NCKAP5: variants seen among roughly 807,000 people sequenced by gnomAD.
The protein encoded by NCKAP5 is NCK associated protein 5.
NCKAP5 carries 92 observed loss-of-function variants against 167.0 expected under a neutral mutation model. The observed-to-expected ratio is 0.55, with a 90% CI of 0.47 to 0.66. The LOEUF (loss-of-function observed/expected upper bound fraction) is 0.66. NCKAP5 is among the 30% of genes least tolerant of loss of function. The pLI, the probability that NCKAP5 is intolerant of heterozygous loss-of-function variation, is 0.00. For synonymous variants in NCKAP5, 891 were observed against 877.4 expected (o/e 1.02, Z -0.27); for missense variants, 2,378 against 2,315.0 (o/e 1.03, Z -0.56).
chr2:133,313,866 A>G (rs986778898), intron 3 of NCKAP5, among the ~76,000 whole-genome samples: 18 of 152,216 alleles, frequency 1.2e-4, no homozygotes, highest in Non-Finnish European at 4.4e-5. Context: ...GAAAAGTCTT[A>G]GGACCCCAGC....
rs6732325 is a variant in NCKAP5, at chr2:133,520,148, G to A, written c.-61-2561C>T. 1.6e-3 allele frequency among the ~76,000 whole-genome samples: 248 copies of A among 152,278 alleles called. 1 individual carries two copies. Among genetic ancestry groups the A allele is most frequent in the African/African-American group, 5.6e-3 (232 of 41,552 alleles). On this transcript the variant is annotated intron_variant, in intron 2 of 19. Transcript: ENST00000409261. ...GGAGGTTGCGGTGAGCCAAGATCGC[G>A]CCACTGCACTCCAGCCTGGCTGGCT...
intron 6 of NCKAP5, among the ~76,000 whole-genome samples, chr2:133,125,499 G>A (rs1312138870): frequency 6.6e-6 from 1 of 152,052 alleles, no homozygotes; most frequent in Non-Finnish European, 1.5e-5. Flanking sequence ...GGAAGAATTT[G>A]GAATTTTAGA....
At position 133,390,712 on chromosome 2, in the gene NCKAP5, C is replaced by T. The variant is rs142698954; in HGVS notation, c.70-87602G>A. On this transcript the variant is annotated intron_variant, in intron 3 of 19. Coordinates refer to ENST00000409261, the MANE Select transcript of NCKAP5 (RefSeq NM_207363.3). ...AATCACTTTGGGAATTAAAAATAGA[C>T]GCCTATGTAGAAGTGTGTGTGTGCC... Among the ~76,000 whole-genome samples the T allele has an allele frequency of 6.0e-3, 913 of 152,174 alleles. 7 individuals are homozygous for T. Among genetic ancestry groups the T allele is most frequent in the Middle Eastern group, 0.02 (6 of 294 alleles).
chr2:133,201,253 C>T (rs548737220), intron 5 of NCKAP5, among the ~76,000 whole-genome samples: 3 of 152,224 alleles, frequency 2.0e-5, no homozygotes, highest in East Asian at 1.9e-4. Flanking sequence ...GATTTCATCA[C>T]GTTACTCAGC....
In NCKAP5 at chr2:133,486,649, A is replaced by G. The variant is rs980086632; in HGVS notation, c.69+30809T>C. Among the ~76,000 whole-genome samples, 3 of 152,190 alleles carry G rather than the reference A, an allele frequency of 2.0e-5. No homozygotes were observed. In the East Asian group the frequency reaches 5.8e-4, roughly 29 times the overall value. ...CAGTCAGCTGAATTTACCTCATTAG[A>G]TTATCAGAAATTTTGACTCTGTGAC... is the stretch of plus-strand genomic sequence containing the variant. On this transcript the variant is annotated intron_variant, in intron 3 of 19. Coordinates refer to ENST00000409261, the MANE Select transcript of NCKAP5 (RefSeq NM_207363.3).
At chr2:133,155,245 AGG>A (rs757939742) in intron 5 of NCKAP5, among the ~76,000 whole-genome samples, 9 of 152,148 alleles carry the variant, frequency 5.9e-5, no homozygotes, top group Non-Finnish European at 1.0e-4. Flanking sequence ...AGGACCAGGG[AGG>A]GAGGAGTTTT....
At chr2:133,608,259 C>G in the NCKAP5 span, among the ~76,000 whole-genome samples, 1 of 152,170 alleles carries the variant, frequency 6.6e-6, no homozygotes, top group South Asian at 2.1e-4. Context: ...TTGCTCTTCT[C>G]TCTAGAGATA....
chr2:133,202,643 C>A (rs2150127299), intron 5 of NCKAP5, among the ~76,000 whole-genome samples: 1 of 152,150 alleles, frequency 6.6e-6, no homozygotes. Context: ...ACCCATCTGA[C>A]AAAGGGCTAA....
the NCKAP5 span, among the ~76,000 whole-genome samples, chr2:133,654,541 T>C: frequency 6.6e-6 from 1 of 152,162 alleles, no homozygotes; most frequent in Admixed American, 6.5e-5. Flanking sequence ...CATCCATCCT[T>C]TGGCTCTCTC....
chr2:132,994,553 C>T (rs369150285), intron 6 of NCKAP5, among the ~76,000 whole-genome samples: 3 of 152,190 alleles, frequency 2.0e-5, no homozygotes, highest in South Asian at 2.1e-4. Flanking sequence ...AGTATCACTA[C>T]ATCAATCTTC....
At position 132,785,050 on chromosome 2, in the gene NCKAP5, C is replaced by A. The variant is rs61997219; in HGVS notation, c.1761G>T (p.Thr587=). The A allele has an allele frequency of 6.2e-7, 1 of 1,614,052 alleles. No homozygotes were observed. The highest frequency in any genetic ancestry group is 8.5e-7 in the Non-Finnish European group (1 of 1,179,896). Residue 587 remains threonine (T), a synonymous_variant, in exon 14 of 20, where the codon ACG becomes ACT. Transcript: ENST00000409261. ...TGCTCTCTATGTGCAGCTCATCAAA[C>A]GTTTCATTGTCATCAGTGTCTGAAA... ...LQLSDTDDNE[T]FDELHIESSD...
At chr2:132,749,681 A>C (rs1366747504) in intron 16 of NCKAP5, among the ~76,000 whole-genome samples, 1 of 151,970 alleles carries the variant, frequency 6.6e-6, no homozygotes, top group African/African-American at 2.4e-5. Flanking sequence ...TTTGAAAGCA[A>C]GAGTGTTATA....
intron 4 of NCKAP5, among the ~76,000 whole-genome samples, chr2:133,218,274 G>T (rs2086515130): frequency 1.3e-5 from 2 of 151,922 alleles, no homozygotes; most frequent in Non-Finnish European, 2.9e-5. Context: ...GCAAATAAAG[G>T]GAAAAAATAA....
chr2:132,867,792 G>A lies in NCKAP5; in HGVS notation c.687+1144C>T, dbSNP rs577223505. 3.3e-5 allele frequency among the ~76,000 whole-genome samples: 5 copies of A among 152,298 alleles called. No individual in the cohort carries two copies. The South Asian group carries it at 1.0e-3, about 32-fold the overall frequency. ...GGCCTACCTGTCGGTTTATATGTGA[G>A]AAAGAACTAACATTTTAGCTTATTT... On this transcript the variant is annotated intron_variant, in intron 10 of 19. Coordinates refer to ENST00000409261, the MANE Select transcript of NCKAP5 (RefSeq NM_207363.3).
chr2:132,954,734 T>C (rs1332112512), intron 8 of NCKAP5: 1 of 449,478 alleles, frequency 2.2e-6, no homozygotes, highest in Admixed American at 2.4e-5. Context: ...ATATATATGC[T>C]GAAATGCCAA....
chr2:133,299,232 T>A (rs905194725), intron 4 of NCKAP5, among the ~76,000 whole-genome samples: 9 of 152,184 alleles, frequency 5.9e-5, no homozygotes, highest in Non-Finnish European at 1.3e-4. Flanking sequence ...TTAAAACATA[T>A]AGCACTTTAC....
chr2:133,017,192 CTA>C (rs2149380143), intron 6 of NCKAP5, among the ~76,000 whole-genome samples: 1 of 152,258 alleles, frequency 6.6e-6, no homozygotes, highest in Non-Finnish European at 1.5e-5. Flanking sequence ...ATGTCAAAAC[CTA>C]TTTATGTTAT....
At chr2:133,646,599 C>A in the NCKAP5 span, among the ~76,000 whole-genome samples, 1 of 152,022 alleles carries the variant, frequency 6.6e-6, no homozygotes, top group Non-Finnish European at 1.5e-5. Flanking sequence ...CTAAAGCGAG[C>A]TTTTCAGGTT....
At chr2:132,837,456 A>G (rs78897354) in intron 11 of NCKAP5, among the ~76,000 whole-genome samples, 6,815 of 151,980 alleles carry the variant, frequency 0.045, 180 homozygotes, top group East Asian at 0.095. Context: ...AATTACCTAT[A>G]CTTTACCTTC....
Sources: gnomAD v4.1 joint callset for allele counts (sites outside exome capture counted in the v4.1 genomes callset) on GRCh38, gnomAD v4.1.1 for gene constraint, MANE v1.5 for transcripts, NCBI Gene and HGNC (gene_info 2026-07-23, HGNC 2026-07-21) for gene names.